SND1: variants seen among roughly 807,000 people sequenced by gnomAD.
The protein encoded by SND1 is staphylococcal nuclease domain-containing protein 1.
SND1 carries 38 observed loss-of-function variants against 121.7 expected under a neutral mutation model. The observed-to-expected ratio is 0.31, with a 90% CI of 0.24 to 0.41. The LOEUF (loss-of-function observed/expected upper bound fraction) is 0.41, where lower values mean the gene tolerates loss of function less well. SND1 is among the 10% of genes least tolerant of loss of function. SND1 has a pLI of 1.00. For synonymous variants in SND1, 401 were observed against 447.4 expected, an observed-to-expected ratio of 0.90 and a Z score of 1.31; for missense variants, 868 against 1,184.6, an observed-to-expected ratio of 0.73 and a Z score of 3.92.
At chr7:128,026,514 T>A (rs949122725) in intron 16 of SND1, among the ~76,000 whole-genome samples, 16 of 152,116 alleles carry the variant, frequency 1.1e-4, no homozygotes, top group African/African-American at 3.9e-4. Context: ...AAATGCAGGG[T>A]CCTGATTCAC....
intron 12 of SND1, among the ~76,000 whole-genome samples, chr7:127,881,744 AT>A (rs928220946): frequency 6.6e-6 from 1 of 151,844 alleles, no homozygotes; most frequent in Non-Finnish European, 1.5e-5. Flanking sequence ...AATGGAAACA[AT>A]TTTTTTTGTT....
chr7:127,923,529 T>TC (rs533754420), intron 14 of SND1, among the ~76,000 whole-genome samples: 81 of 152,160 alleles, frequency 5.3e-4, no homozygotes, highest in Middle Eastern at 3.4e-3. Context: ...CAGAGTATCC[T>TC]CCCCCCGCAG....
chr7:127,925,850 G>A (rs1277952908), intron 14 of SND1, among the ~76,000 whole-genome samples: 1 of 151,326 alleles, frequency 6.6e-6, no homozygotes, highest in African/African-American at 2.4e-5. Context: ...CTGCCTCCGC[G>A]TCCCAAAGTG....
intron 16 of SND1, among the ~76,000 whole-genome samples, chr7:128,068,334 G>A (rs1356615104): frequency 1.3e-5 from 2 of 150,740 alleles, no homozygotes; most frequent in African/African-American, 2.4e-5. Flanking sequence ...AGAAGAAGTT[G>A]AGAATGTTGA....
At chr7:128,019,396 C>G (rs1261976695) in intron 16 of SND1, among the ~76,000 whole-genome samples, 1 of 152,206 alleles carries the variant, frequency 6.6e-6, no homozygotes, top group African/African-American at 2.4e-5. Flanking sequence ...TTCTCTGGCA[C>G]AGTTCGTCTC....
intron 15 of SND1, among the ~76,000 whole-genome samples, chr7:127,971,429 T>A (rs529337129): frequency 6.6e-6 from 1 of 152,326 alleles, no homozygotes; most frequent in African/African-American, 2.4e-5. Context: ...TATCCCAGTC[T>A]TAGAAGGGCC....
chr7:127,926,198 A>C (rs1443621489), intron 14 of SND1, among the ~76,000 whole-genome samples: 5 of 152,178 alleles, frequency 3.3e-5, no homozygotes, highest in African/African-American at 1.2e-4. Context: ...TAAAGATTTC[A>C]AGAATGTTTG....
At chr7:127,858,204 G>C (rs1799317534) in intron 12 of SND1, 6 of 784,322 alleles carry the variant, frequency 7.6e-6, no homozygotes, top group East Asian at 2.5e-5. Flanking sequence ...ATGGCCAACT[G>C]TTCCCTCGTT....
At chr7:128,018,276 ATTG>A (rs1158721511) in intron 16 of SND1, among the ~76,000 whole-genome samples, 1 of 152,218 alleles carries the variant, frequency 6.6e-6, no homozygotes, top group Non-Finnish European at 1.5e-5. Context: ...AGGTTGGATT[ATTG>A]TTGACTCTGC....
chr7:128,085,597 A>T lies in SND1; in HGVS notation c.2235-114A>T. 1.1e-6 allele frequency: 1 copy of T among 870,064 alleles called. No individual in the cohort carries two copies. The highest frequency in any genetic ancestry group is 1.9e-6 in the Non-Finnish European group (1 of 529,054). 53.9% of individuals were successfully genotyped at this position (870,064 alleles called of 1,614,324 possible). The stretch of plus-strand genomic sequence containing the variant: ...GAGTGCAGTTACTGTCCCCTGTGAC[A>T]CCCGTTGAACCCAGGCAGGGAAATG... On this transcript the variant is annotated intron_variant, in intron 19 of 23. Transcript: ENST00000354725. This position sits in a 1 kb window ranked among gnomAD's most constrained non-coding sequence, Gnocchi z 4.4.
At chr7:128,063,241 A>G (rs1793260541) in intron 16 of SND1, among the ~76,000 whole-genome samples, 1 of 152,158 alleles carries the variant, frequency 6.6e-6, no homozygotes. Context: ...GGAGGCACAC[A>G]CGGCTGCTGC....
chr7:127,920,840 G>T (rs1030054040), intron 14 of SND1, among the ~76,000 whole-genome samples: 1 of 135,088 alleles, frequency 7.4e-6, no homozygotes, highest in African/African-American at 2.7e-5. Flanking sequence ...TGCACTTTCT[G>T]TGCCTAACTT....
intron 12 of SND1, among the ~76,000 whole-genome samples, chr7:127,848,246 C>A (rs1279099191): frequency 6.6e-6 from 1 of 152,152 alleles, no homozygotes; most frequent in Non-Finnish European, 1.5e-5. Context: ...TTAACACATG[C>A]GAATGTTTTA....
chr7:127,955,990 G>A (rs528075549), intron 15 of SND1, among the ~76,000 whole-genome samples: 2 of 152,146 alleles, frequency 1.3e-5, no homozygotes, highest in South Asian at 2.1e-4. Flanking sequence ...CTGGCCTCAG[G>A]CATCTAACCC....
chr7:128,055,214 C>T (rs1215021766), intron 16 of SND1, among the ~76,000 whole-genome samples: 1 of 152,170 alleles, frequency 6.6e-6, no homozygotes, highest in Non-Finnish European at 1.5e-5. Context: ...GGGCCGGGTT[C>T]TGTTCTTTCA....
chr7:127,720,813 G>T (rs530363386), intron 9 of SND1, among the ~76,000 whole-genome samples: 29 of 152,094 alleles, frequency 1.9e-4, no homozygotes, highest in Non-Finnish European at 3.2e-4. Flanking sequence ...CCCTTCACTT[G>T]CCTTTGATTT....
intron 16 of SND1, among the ~76,000 whole-genome samples, chr7:128,008,736 T>G (rs1430602181): frequency 2.0e-5 from 3 of 152,058 alleles, no homozygotes; most frequent in African/African-American, 7.2e-5. Context: ...GGTCTGGGGG[T>G]TTCTCCCACC....
intron 16 of SND1, among the ~76,000 whole-genome samples, chr7:128,020,837 G>T (rs751218635): frequency 6.6e-6 from 1 of 152,126 alleles, no homozygotes; most frequent in Non-Finnish European, 1.5e-5. Context: ...CTTCTCTGTG[G>T]CTTCAGAGCC....
intron 15 of SND1, among the ~76,000 whole-genome samples, chr7:127,941,889 G>GTTTTT (rs34389081): frequency 1.9e-4 from 19 of 100,252 alleles, no homozygotes; most frequent in Non-Finnish European, 3.7e-4. Context: ...TTGATAGGGA[G>GTTTTT]TTTTTTTTTT....
Sources: allele counts gnomAD v4.1 joint callset (sites outside exome capture counted in the v4.1 genomes callset), GRCh38; gene constraint gnomAD v4.1.1; non-coding constraint Gnocchi (gnomAD v3.1); transcripts MANE v1.5; gene names NCBI Gene and HGNC (gene_info 2026-07-23, HGNC 2026-07-21).